Variants in CRTC3 observed in about 807,000 individuals in gnomAD.
The protein encoded by CRTC3 is CREB-regulated transcription coactivator 3.
In CRTC3, 26 loss-of-function variants were observed where a neutral mutation model predicts 74.5. The ratio of observed to expected loss-of-function variants is 0.35; its 90% CI spans 0.26 to 0.48. The LOEUF (loss-of-function observed/expected upper bound fraction) is 0.48. CRTC3 is among the 20% of genes least tolerant of loss of function. The pLI is 0.99. For synonymous variants in CRTC3, 377 were observed against 325.8 expected (o/e 1.16, Z -1.69); for missense variants, 760 against 787.3 (o/e 0.97, Z 0.41).
At chr15:90,558,071 T>G (rs1274573709) in intron 2 of CRTC3, among the ~76,000 whole-genome samples, 1 of 152,144 alleles carries the variant, frequency 6.6e-6, no homozygotes, top group East Asian at 1.9e-4. Context: ...TGGACACTTT[T>G]CTCTGTAAAT....
chr15:90,639,696 C>T (rs1969370272), intron 13 of CRTC3, among the ~76,000 whole-genome samples: 1 of 150,200 alleles, frequency 6.7e-6, no homozygotes, highest in East Asian at 2.0e-4. Context: ...GTGATCCACC[C>T]GCCTTGGCCT....
chr15:90,633,703 G>GTTCT (rs35062563), intron 11 of CRTC3, among the ~76,000 whole-genome samples: 27,773 of 151,530 alleles, frequency 0.18, 2,568 homozygotes, highest in Middle Eastern at 0.2. Context: ...AGTTTTCTCT[G>GTTCT]TTCTTTCTCT....
chr15:90,545,400 AT>A lies in CRTC3; in HGVS notation c.231+5280del, dbSNP rs35381855. ...GAATCATATGACAATTGTGGTTTTA[AT>A]TTTTTTTTTTTTTTTTGAGACTGAA... On this transcript the variant is annotated intron_variant, in intron 2 of 14. Transcript: ENST00000268184. 6.4e-3 allele frequency among the ~76,000 whole-genome samples: 888 copies of A among 137,978 alleles called. 17 individuals carry two copies. The East Asian group carries it at 0.087, about 14-fold the overall frequency. The allele number at this position is 137,978 out of a possible 152,430, so 90.5% of individuals were successfully genotyped here.
chr15:90,622,393 C>T (rs185315863), intron 9 of CRTC3, among the ~76,000 whole-genome samples: 4 of 152,290 alleles, frequency 2.6e-5, no homozygotes, highest in South Asian at 2.1e-4. Flanking sequence ...CTCCCTGCCG[C>T]GCCCCTGCTC....
intron 11 of CRTC3, among the ~76,000 whole-genome samples, chr15:90,630,449 T>C (rs946113484): frequency 3.3e-5 from 5 of 152,186 alleles, no homozygotes; most frequent in African/African-American, 1.2e-4. Context: ...CACCCACCCA[T>C]ACAAAAAATG....
intron 5 of CRTC3, among the ~76,000 whole-genome samples, chr15:90,605,154 AG>A (rs1382381586): frequency 6.6e-6 from 1 of 151,854 alleles, no homozygotes; most frequent in African/African-American, 2.4e-5. Flanking sequence ...CAGGAGGCTG[AG>A]GTGGGGAGGA....
At chr15:90,592,892 C>T (rs988333571) in intron 2 of CRTC3, among the ~76,000 whole-genome samples, 2 of 152,112 alleles carry the variant, frequency 1.3e-5, no homozygotes, top group Non-Finnish European at 2.9e-5. Context: ...GGCTCACATG[C>T]CTGTAATCCC....
At chr15:90,633,862 C>T (rs778492361) in intron 11 of CRTC3, among the ~76,000 whole-genome samples, 1 of 152,008 alleles carries the variant, frequency 6.6e-6, no homozygotes, top group Non-Finnish European at 1.5e-5. Context: ...TCTTCCAACA[C>T]TTCTGTTGAG....
chr15:90,641,178 C>G lies in CRTC3; in HGVS notation c.1630C>G (p.Leu544Val), dbSNP rs1353993468. Residue 544 changes from leucine to valine, a missense_variant, in exon 14 of 15, where the codon CTC (leucine) becomes GTC (valine). Leu to Val is a conservative substitution (Grantham distance 32). This residue lies in a region of CRTC3 where 652 missense variants were observed against 635.2 expected (regional missense o/e 1.03). Transcript: ENST00000268184. The stretch of plus-strand genomic sequence containing the variant: ...AAGCCCGTATTCCAACTGCGGGAGT[C>G]TCCCGAACACCATCCTGCCAGGTGA... The part of the protein sequence containing the change: ...RPSPYSNCGS[L>V]PNTILPEDSS... 7 of 1,612,898 alleles carry G rather than the reference C, an allele frequency of 4.3e-6. No individual in the cohort carries two copies. Among genetic ancestry groups the G allele is most frequent in the Admixed American group, 3.3e-5 (2 of 59,994 alleles).
At chr15:90,568,402 G>A (rs1967175063) in intron 2 of CRTC3, among the ~76,000 whole-genome samples, 2 of 151,960 alleles carry the variant, frequency 1.3e-5, no homozygotes, top group African/African-American at 4.8e-5. Flanking sequence ...CCATGCTGGA[G>A]TGCAGTGGTG....
chr15:90,573,481 C>T (rs1967325409), intron 2 of CRTC3, among the ~76,000 whole-genome samples: 1 of 152,126 alleles, frequency 6.6e-6, no homozygotes, highest in African/African-American at 2.4e-5. Flanking sequence ...ACCCGTTTTT[C>T]ATCCATATTG....
chr15:90,587,091 A>C (rs1361884564), intron 2 of CRTC3, among the ~76,000 whole-genome samples: 1 of 152,244 alleles, frequency 6.6e-6, no homozygotes, highest in African/African-American at 2.4e-5. Context: ...TGTAGGTCAC[A>C]TTGATAGATC....
At chr15:90,568,747 G>C (rs994043333) in intron 2 of CRTC3, among the ~76,000 whole-genome samples, 1 of 152,136 alleles carries the variant, frequency 6.6e-6, no homozygotes, top group Non-Finnish European at 1.5e-5. Flanking sequence ...CTTCGTTGTT[G>C]TCATATTTTA....
chr15:90,539,840 A>G, intron 1 of CRTC3, 199 bp from the exon 2 acceptor site: 1 of 559,776 alleles, frequency 1.8e-6, no homozygotes, highest in Non-Finnish European at 3.1e-6. Context: ...CATTTGGAAC[A>G]TGGGTAAGCT....
rs770425667 is a variant in CRTC3, at chr15:90,641,915, C to G, written c.1652-17C>G. 1.7e-5 allele frequency: 28 copies of G among 1,611,610 alleles called. No homozygotes were observed. Among genetic ancestry groups the G allele is most frequent in the Non-Finnish European group, 2.3e-5 (27 of 1,179,112 alleles). On this transcript the variant is annotated splice_polypyrimidine_tract_variant and intron_variant, in intron 14 of 14. Coordinates refer to ENST00000268184, the MANE Select transcript of CRTC3 (RefSeq NM_022769.5). ...CCTCCTAACCGCACTGTTTTCCCCT[C>G]TGGCCACTCCTTTCAGAAGACTCCA... is the stretch of plus-strand genomic sequence containing the variant.
intron 2 of CRTC3, among the ~76,000 whole-genome samples, chr15:90,550,572 G>T (rs1257503754): frequency 8.6e-5 from 13 of 151,482 alleles, no homozygotes; most frequent in Admixed American, 8.6e-4. Context: ...TATATTTGCT[G>T]TTGCTATTGT....
At chr15:90,561,611 A>T (rs934864757) in intron 2 of CRTC3, among the ~76,000 whole-genome samples, 1 of 152,184 alleles carries the variant, frequency 6.6e-6, no homozygotes, top group African/African-American at 2.4e-5. Context: ...GTTAAATTCA[A>T]TCATATTAGT....
intron 3 of CRTC3, chr15:90,598,327 TG>T: frequency 1.5e-6 from 1 of 667,166 alleles, no homozygotes; most frequent in Non-Finnish European, 2.7e-6. Flanking sequence ...TTTCAGCTTC[TG>T]TGGCTCAGTA....
At chr15:90,635,804 G>A (rs950671361) in intron 11 of CRTC3, among the ~76,000 whole-genome samples, 1 of 152,138 alleles carries the variant, frequency 6.6e-6, no homozygotes, top group South Asian at 2.1e-4. Flanking sequence ...ATTCGATCGT[G>A]AAATTTCTTC....
Sources: allele counts gnomAD v4.1 joint callset (sites outside exome capture counted in the v4.1 genomes callset), GRCh38; gene constraint gnomAD v4.1.1; regional missense constraint gnomAD v4.1.1; transcripts MANE v1.5; gene names NCBI Gene and HGNC (gene_info 2026-07-23, HGNC 2026-07-21).